Variants in RTL9 observed in about 807,000 individuals in gnomAD.
RTL9 encodes retrotransposon Gag like 9.
Under a neutral mutation model 44.7 loss-of-function variants are expected in RTL9, and 19 were observed. The ratio of observed to expected loss-of-function variants is 0.42; its 90% CI spans 0.30 to 0.62. The LOEUF (loss-of-function observed/expected upper bound fraction) is 0.62. RTL9 is among the 20% of genes least tolerant of loss of function. The pLI, the probability that RTL9 is intolerant of heterozygous loss-of-function variation, is 0.16. For synonymous variants in RTL9, 407 were observed against 398.9 expected (o/e 1.02, Z -0.24); for missense variants, 1,105 against 1,080.6 (o/e 1.02, Z -0.32).
chrX:110,434,398 C>T (rs190410862), intron 1 of RTL9, among the ~76,000 whole-genome samples: 7 of 111,489 alleles, frequency 6.3e-5, no homozygotes, highest in East Asian at 2.8e-4. Flanking sequence ...CAGCTGCATG[C>T]GGACCAATTG....
chrX:110,361,672 G>A (rs890576207), intron 1 of RTL9, among the ~76,000 whole-genome samples: 3 of 111,921 alleles, frequency 2.7e-5, no homozygotes, highest in African/African-American at 6.5e-5. Context: ...TATTGCAAGC[G>A]CCTTCTCGCC....
chrX:110,377,870 G>A (rs1394724503), intron 1 of RTL9, among the ~76,000 whole-genome samples: 1 of 108,053 alleles, frequency 9.3e-6, no homozygotes, highest in Non-Finnish European at 1.9e-5. Context: ...TTAGCCGGGC[G>A]TGGTAGCGGG....
chrX:110,387,841 C>T (rs1246401335), intron 1 of RTL9, among the ~76,000 whole-genome samples: 1 of 103,949 alleles, frequency 9.6e-6, no homozygotes, highest in African/African-American at 3.6e-5. Flanking sequence ...TTGATATGAT[C>T]GTTATCTCCC....
chrX:110,431,323 CTGTGTGTGTGTGTG>C (rs759432836), intron 1 of RTL9, among the ~76,000 whole-genome samples: 4 of 94,949 alleles, frequency 4.2e-5, no homozygotes, highest in Non-Finnish European at 8.4e-5. Context: ...GAGGGGAAGG[CTGTGTGTGTGTGTG>C]TGTGTGTGTG....
chrX:110,386,201 C>A (rs1248588940), intron 1 of RTL9, among the ~76,000 whole-genome samples: 1 of 110,745 alleles, frequency 9.0e-6, no homozygotes, highest in African/African-American at 3.3e-5. Flanking sequence ...TTTGAGGAAC[C>A]ACCAAACTAT....
chrX:110,382,190 A>T (rs1037575147), intron 1 of RTL9, among the ~76,000 whole-genome samples: 2 of 111,680 alleles, frequency 1.8e-5, no homozygotes, highest in Admixed American at 9.6e-5. Context: ...TCAGAAGGCC[A>T]TGTGGAAAAA....
intron 1 of RTL9, among the ~76,000 whole-genome samples, chrX:110,435,427 C>T (rs2068831580): frequency 8.9e-6 from 1 of 112,365 alleles, no homozygotes; most frequent in Admixed American, 9.4e-5. Context: ...TTCATGACAG[C>T]ATTTTTCAAG....
chrX:110,455,140 C>T, intron 1 of RTL9, 62 bp from the exon 4 acceptor site: 1 of 1,191,972 alleles, frequency 8.4e-7, no homozygotes, highest in Non-Finnish European at 1.1e-6. Context: ...CTTATCCAGG[C>T]AGAACACCCG....
At chrX:110,439,218 A>G (rs1023624057) in intron 1 of RTL9, among the ~76,000 whole-genome samples, 1 of 111,878 alleles carries the variant, frequency 8.9e-6, no homozygotes, top group African/African-American at 3.2e-5. Flanking sequence ...GGCCAGAGAC[A>G]ATGTCCTCTC....
exon 1 of RTL9, chrX:110,450,666 G>C: frequency 1.7e-6 from 2 of 1,210,978 alleles, no homozygotes; most frequent in Non-Finnish European, 2.2e-6. Flanking sequence ...AATGAGGGAG[G>C]AAAATGTTGA....
chrX:110,442,015 C>G (rs962072006), intron 1 of RTL9, among the ~76,000 whole-genome samples: 4 of 111,180 alleles, frequency 3.6e-5, no homozygotes, highest in Admixed American at 2.9e-4. Flanking sequence ...CCAACCCACA[C>G]AGTTCAGCTC....
chrX:110,393,839 C>T (rs1005051032), intron 1 of RTL9, among the ~76,000 whole-genome samples: 11 of 112,489 alleles, frequency 9.8e-5, no homozygotes, highest in Admixed American at 7.5e-4. Flanking sequence ...GGATGGGCTC[C>T]GGCCACCTGT....
chrX:110,362,529 C>T (rs951017167), intron 1 of RTL9, among the ~76,000 whole-genome samples: 6 of 112,403 alleles, frequency 5.3e-5, no homozygotes, highest in Non-Finnish European at 1.9e-5. Flanking sequence ...TTCTGAAGTA[C>T]TCCCAGAAGC....
intron 1 of RTL9, among the ~76,000 whole-genome samples, chrX:110,365,810 A>G (rs1181356828): frequency 2.7e-5 from 3 of 111,992 alleles, no homozygotes; most frequent in Non-Finnish European, 5.6e-5. Context: ...AGAGTGAGCG[A>G]GGTGATCTAT....
intron 1 of RTL9, among the ~76,000 whole-genome samples, chrX:110,410,429 G>C (rs1356596669): frequency 8.9e-6 from 1 of 112,141 alleles, no homozygotes; most frequent in Admixed American, 9.4e-5. Flanking sequence ...CAATATCTTT[G>C]ACGATGTCTA....
At chrX:110,396,492 A>G (rs1208748891) in intron 1 of RTL9, among the ~76,000 whole-genome samples, 5 of 112,169 alleles carry the variant, frequency 4.5e-5, no homozygotes, top group Non-Finnish European at 5.6e-5. Context: ...CTTGAGCACT[A>G]CACTGGAGTT....
At chrX:110,454,600 C>T (rs1256844361) in exon 1 of RTL9, 5 of 1,208,975 alleles carry the variant, frequency 4.1e-6, no homozygotes, top group Non-Finnish European at 5.6e-6. Context: ...CTGCCAACAG[C>T]CTGTAAGCGG....
At chrX:110,376,895 G>A (rs1157513129) in intron 1 of RTL9, among the ~76,000 whole-genome samples, 1 of 111,713 alleles carries the variant, frequency 9.0e-6, no homozygotes, top group Non-Finnish European at 1.9e-5. Context: ...CTGGGAGTGG[G>A]GACGGTATGA....
chrX:110,405,097 C>CG (rs1463304651), intron 1 of RTL9, among the ~76,000 whole-genome samples: 8 of 101,211 alleles, frequency 7.9e-5, no homozygotes, highest in South Asian at 5.2e-4. Context: ...GTCCCCCCCC[C>CG]CCCCAAGCAT....
Sources: allele counts gnomAD v4.1 joint callset (sites outside exome capture counted in the v4.1 genomes callset), GRCh38; gene constraint gnomAD v4.1.1; transcripts MANE v1.5; gene names NCBI Gene and HGNC (gene_info 2026-07-23, HGNC 2026-07-21).